Variants in DENND4C observed in about 807,000 individuals in gnomAD.
DENND4C encodes DENN domain-containing protein 4C.
Under a neutral mutation model 203.0 loss-of-function variants are expected in DENND4C, and 108 were observed. That is an observed-to-expected ratio of 0.53 (90% CI 0.46 to 0.62). The LOEUF (loss-of-function observed/expected upper bound fraction) is 0.62. Ranked by LOEUF, DENND4C falls within the 20% of genes least tolerant of loss-of-function variation. The pLI is 0.00. For synonymous variants in DENND4C, 871 were observed against 792.4 expected (o/e 1.10, Z -1.67); for missense variants, 2,481 against 2,301.2 (o/e 1.08, Z -1.60).
At chr9:19,315,917 G>A (rs1445682282) in intron 10 of DENND4C, among the ~76,000 whole-genome samples, 1 of 152,072 alleles carries the variant, frequency 6.6e-6, no homozygotes, top group African/African-American at 2.4e-5. Flanking sequence ...TGTTGGCCAG[G>A]CTGGTCTGGC....
At chr9:19,326,391 A>T (rs1487551012) in intron 15 of DENND4C, among the ~76,000 whole-genome samples, 197 bp downstream of exon 15, 2 of 152,162 alleles carry the variant, frequency 1.3e-5, no homozygotes, top group Non-Finnish European at 2.9e-5. Context: ...GATGTTGATC[A>T]TTGTTTACCT....
intron 18 of DENND4C, among the ~76,000 whole-genome samples, chr9:19,336,014 A>G (rs548036834): frequency 1.3e-5 from 2 of 152,000 alleles, no homozygotes; most frequent in African/African-American, 4.8e-5. Flanking sequence ...TTTTGTCCAC[A>G]TCCTTAATCA....
chr9:19,362,637 A>AT lies in DENND4C; in HGVS notation c.5524+681dup, dbSNP rs564854409. ...TGACGGGTCTCAACTGAGTTGAGTA[A>AT]TTTTTTTGGTGATTTTTCTATCAAG... is the stretch of plus-strand genomic sequence containing the variant. On this transcript the variant is annotated intron_variant, in intron 30 of 32. Transcript: ENST00000434457. 4.7e-3 allele frequency among the ~76,000 whole-genome samples: 715 copies of AT among 152,084 alleles called. 7 individuals are homozygous for AT. The highest frequency in any genetic ancestry group is 0.016 in the African/African-American group (665 of 41,500).
chr9:19,265,981 T>C (rs1830417179), intron 1 of DENND4C, among the ~76,000 whole-genome samples: 2 of 152,336 alleles, frequency 1.3e-5, no homozygotes, highest in Middle Eastern at 3.4e-3. Flanking sequence ...AGTAATGGGA[T>C]GGCTGGGTCA....
At chr9:19,318,759 A>G (rs1842255822) in intron 12 of DENND4C, among the ~76,000 whole-genome samples, 1 of 152,320 alleles carries the variant, frequency 6.6e-6, no homozygotes, top group African/African-American at 2.4e-5. Flanking sequence ...TTACAAGGCT[A>G]CCAGTCTTAC....
chr9:19,319,649 C>A lies in DENND4C; in HGVS notation c.1807+2810C>A, dbSNP rs559383879. On this transcript the variant is annotated intron_variant, in intron 12 of 32. Coordinates refer to ENST00000434457, the MANE Select transcript of DENND4C (RefSeq NM_001330640.2). ...AATATGGATTGTACGGAAGTGACAT[C>A]ACTAAAGGAATTTGAAAAGATACTT... 2.6e-5 allele frequency among the ~76,000 whole-genome samples: 4 copies of A among 151,740 alleles called. No individual in the cohort carries two copies. The East Asian group carries it at 7.7e-4, about 29-fold the overall frequency.
chr9:19,283,225 C>A (rs1834484376), intron 2 of DENND4C, among the ~76,000 whole-genome samples: 1 of 151,934 alleles, frequency 6.6e-6, no homozygotes, highest in South Asian at 2.1e-4. Context: ...CACATGTTAG[C>A]CTAGCCCTAC....
intron 1 of DENND4C, among the ~76,000 whole-genome samples, chr9:19,256,823 C>T (rs769174883): frequency 6.6e-6 from 1 of 151,942 alleles, no homozygotes; most frequent in Non-Finnish European, 1.5e-5. Flanking sequence ...GAAATCCCAG[C>T]ACTTTGGGAG....
Position 19,319,701 on chromosome 9 carries a change from A to G in DENND4C, c.1807+2862A>G, listed in dbSNP as rs142863415. Among the ~76,000 whole-genome samples, 516 of 152,156 alleles carry G rather than the reference A, an allele frequency of 3.4e-3. 5 individuals carry two copies. The highest frequency in any genetic ancestry group is 0.012 in the African/African-American group (504 of 41,528). On this transcript the variant is annotated intron_variant, in intron 12 of 32. Transcript: ENST00000434457. ...CTCAGTTTCTAGGCCCTAAAGTTTT[A>G]TTGTAAACAGTCCAGCATTTGGTCT...
chr9:19,236,055 A>G (rs1240650821), intron 1 of DENND4C, among the ~76,000 whole-genome samples: 1 of 141,526 alleles, frequency 7.1e-6, no homozygotes. Flanking sequence ...CTAGTTTTTT[A>G]TTGTGTATAT....
At chr9:19,345,432 C>T (rs1428176023) in intron 22 of DENND4C, among the ~76,000 whole-genome samples, 3 of 152,160 alleles carry the variant, frequency 2.0e-5, no homozygotes, top group Non-Finnish European at 4.4e-5. Flanking sequence ...ATTTTATCAG[C>T]CTTCTTAGAA....
rs931335804 is a variant in DENND4C at position 19,297,550 on chromosome 9, A to AT, written c.1041-499dup. 8.8e-4 allele frequency among the ~76,000 whole-genome samples: 134 copies of AT among 152,216 alleles called. 2 individuals carry two copies. The Middle Eastern group carries it at 0.014, about 15-fold the overall frequency. ...GATAAAATCAATGTATATAATCAAT[A>AT]TTTTTTTCAGTTGAAGTAATATGTT... On this transcript the variant is annotated intron_variant, in intron 6 of 32. Transcript: ENST00000434457.
intron 1 of DENND4C, among the ~76,000 whole-genome samples, chr9:19,237,165 C>T (rs552118155): frequency 2.6e-5 from 4 of 152,090 alleles, no homozygotes; most frequent in South Asian, 2.1e-4. Context: ...GGATTACAGG[C>T]GCGCACCACC....
chr9:19,325,699 T>A (rs1479475776), intron 13 of DENND4C, among the ~76,000 whole-genome samples: 7 of 152,212 alleles, frequency 4.6e-5, no homozygotes, highest in African/African-American at 1.7e-4. Context: ...TGATTGGTCA[T>A]CTTTTGTCTT....
intron 23 of DENND4C, among the ~76,000 whole-genome samples, chr9:19,347,913 TTATACATAGAGTTAATCATTAG>T (rs1823256930): frequency 6.6e-6 from 1 of 152,206 alleles, no homozygotes; most frequent in South Asian, 2.1e-4. Flanking sequence ...TAAAAAAACG[TTATACATAGAGTTAATCATTAG>T]ATCTTTTGGT....
At chr9:19,259,720 G>T (rs1376888373) in intron 1 of DENND4C, among the ~76,000 whole-genome samples, 2 of 151,930 alleles carry the variant, frequency 1.3e-5, no homozygotes, top group Admixed American at 6.6e-5. Flanking sequence ...GGTCAGGCTG[G>T]TCTCAAACTC....
At chr9:19,290,907 T>G in intron 5 of DENND4C, 31 bp downstream of exon 5, 2 of 1,578,446 alleles carry the variant, frequency 1.3e-6, no homozygotes, top group Non-Finnish European at 1.7e-6. Context: ...TTAAACACAT[T>G]TTGTCCATGT....
At chr9:19,234,466 G>C (rs1588700850) in intron 1 of DENND4C, among the ~76,000 whole-genome samples, 2 of 148,704 alleles carry the variant, frequency 1.3e-5, no homozygotes, top group African/African-American at 5.0e-5. Context: ...TCCTGAACTC[G>C]TTATCCACCC....
intron 26 of DENND4C, among the ~76,000 whole-genome samples, chr9:19,354,092 T>A (rs541050653): frequency 3.3e-5 from 5 of 152,330 alleles, no homozygotes; most frequent in Admixed American, 2.6e-4. Context: ...AAGTGTGATA[T>A]ATATCTAAAT....
Sources: gnomAD v4.1 joint callset for allele counts (sites outside exome capture counted in the v4.1 genomes callset) on GRCh38, gnomAD v4.1.1 for gene constraint, MANE v1.5 for transcripts, NCBI Gene and HGNC (gene_info 2026-07-23, HGNC 2026-07-21) for gene names.